Variants in FAM107A observed in about 807,000 individuals in gnomAD.
The protein encoded by FAM107A is family with sequence similarity 107 member A, also known as actin-associated protein FAM107A.
In FAM107A, 19 loss-of-function variants were observed where a neutral mutation model predicts 13.7. The observed-to-expected ratio is 1.38, with a 90% CI of 0.97 to 2.03. The LOEUF (loss-of-function observed/expected upper bound fraction) is 2.03, where lower values mean the gene tolerates loss of function less well. FAM107A is among the 30% of genes most tolerant of loss of function. The pLI is 0.00. For missense variants in FAM107A, 203 were observed against 184.4 expected (o/e 1.10, Z -0.58); for synonymous variants, 82 against 74.5 (o/e 1.10, Z -0.52).
chr3:58,605,073 C>T (rs989232567), intron 1 of FAM107A, among the ~76,000 whole-genome samples: 7 of 152,216 alleles, frequency 4.6e-5, no homozygotes, highest in Non-Finnish European at 7.3e-5. Context: ...CAAACTTTCT[C>T]CCCTGAGGGT....
chr3:58,587,698 TC>T (rs1188237111), upstream of FAM107A, among the ~76,000 whole-genome samples: 1 of 152,066 alleles, frequency 6.6e-6, no homozygotes, highest in Non-Finnish European at 1.5e-5. Context: ...TTGTGGAGTG[TC>T]TGTAACAATC....
At chr3:58,591,790 G>A (rs1319687787), upstream of FAM107A, among the ~76,000 whole-genome samples, 1 of 152,184 alleles carries the variant, frequency 6.6e-6, no homozygotes, top group Non-Finnish European at 1.5e-5. This position sits in a 1 kb window ranked among gnomAD's most constrained non-coding sequence, Gnocchi z 4.3. Context: ...TACTCGCCTT[G>A]AAGAGGGATT....
At chr3:58,600,415 C>T (rs2108070938) in intron 1 of FAM107A, among the ~76,000 whole-genome samples, 1 of 152,192 alleles carries the variant, frequency 6.6e-6, no homozygotes, top group East Asian at 1.9e-4. Flanking sequence ...ATGCAGCAGG[C>T]ATGATCTTAA....
chr3:58,616,206 G>A (rs762350064), intron 1 of FAM107A, among the ~76,000 whole-genome samples: 2 of 152,072 alleles, frequency 1.3e-5, no homozygotes, highest in Admixed American at 6.6e-5. Context: ...ATATGGGAAC[G>A]CACTGCAGCT....
At chr3:58,611,763 C>T (rs955721780) in intron 1 of FAM107A, among the ~76,000 whole-genome samples, 1 of 152,180 alleles carries the variant, frequency 6.6e-6, no homozygotes, top group Non-Finnish European at 1.5e-5. Flanking sequence ...GTTTCTCTTC[C>T]GTAAAATGGG....
chr3:58,567,147 G>A (rs1468505712), intron 3 of FAM107A, 61 bp downstream of exon 3: 2 of 1,585,890 alleles, frequency 1.3e-6, no homozygotes, highest in Admixed American at 1.7e-5. Flanking sequence ...CCACAGCAGA[G>A]CTCCTCCCTG....
chr3:58,593,404 A>C (rs2065670615), intron 1 of FAM107A, among the ~76,000 whole-genome samples: 1 of 152,002 alleles, frequency 6.6e-6, no homozygotes, highest in African/African-American at 2.4e-5. Flanking sequence ...CACCATTCTC[A>C]ACTACTTGTA....
At chr3:58,619,523 G>A (rs993828882) in intron 1 of FAM107A, among the ~76,000 whole-genome samples, 3 of 152,168 alleles carry the variant, frequency 2.0e-5, no homozygotes, top group Admixed American at 1.3e-4. Flanking sequence ...CTTGGCAGAT[G>A]CTGTTGCCTG....
intron 1 of FAM107A, chr3:58,570,242 G>T: frequency 2.6e-6 from 1 of 387,120 alleles, no homozygotes; most frequent in Non-Finnish European, 3.6e-6. Context: ...GCTTGTAACA[G>T]AAAAGGAAAA....
At chr3:58,591,062 T>C (rs2065650470), upstream of FAM107A, among the ~76,000 whole-genome samples, 1 of 152,216 alleles carries the variant, frequency 6.6e-6, no homozygotes, top group Admixed American at 6.5e-5. This position sits in a 1 kb window ranked among gnomAD's most constrained non-coding sequence, Gnocchi z 4.3. Flanking sequence ...TGCAAGGGCT[T>C]GGATACCTCA....
At chr3:58,616,735 C>T (rs2065905150) in intron 1 of FAM107A, among the ~76,000 whole-genome samples, 1 of 152,152 alleles carries the variant, frequency 6.6e-6, no homozygotes, top group African/African-American at 2.4e-5. Flanking sequence ...AGCTTCTAGC[C>T]TCCAGAACTG....
chr3:58,620,322 C>A (rs1001670694), intron 1 of FAM107A, among the ~76,000 whole-genome samples: 1 of 152,128 alleles, frequency 6.6e-6, no homozygotes, highest in East Asian at 1.9e-4. Flanking sequence ...TCTCTCTGAC[C>A]TTCCCAGCCA....
At chr3:58,596,593 C>T (rs1258366898) in intron 1 of FAM107A, among the ~76,000 whole-genome samples, 6 of 151,688 alleles carry the variant, frequency 4.0e-5, no homozygotes, top group South Asian at 4.2e-4. Flanking sequence ...GCAGGAGAAT[C>T]GCTTGAACCT....
intron 1 of FAM107A, among the ~76,000 whole-genome samples, chr3:58,615,773 G>A (rs2065895747): frequency 6.6e-6 from 1 of 152,100 alleles, no homozygotes; most frequent in East Asian, 1.9e-4. Flanking sequence ...GTGTGTGCCT[G>A]TAATCCCAGC....
intron 1 of FAM107A, among the ~76,000 whole-genome samples, chr3:58,608,514 G>C (rs2065820229): frequency 6.6e-6 from 1 of 152,170 alleles, no homozygotes; most frequent in South Asian, 2.1e-4. Flanking sequence ...GAGCCAGGCA[G>C]CTCCCCTGGA....
At chr3:58,581,756 C>T (rs2065548011), upstream of FAM107A, among the ~76,000 whole-genome samples, 1 of 152,048 alleles carries the variant, frequency 6.6e-6, no homozygotes, top group Admixed American at 6.6e-5. Context: ...AAGAATTTAC[C>T]CAGTTGAGGG....
At chr3:58,586,970 C>T in exon 1 of FAM107A, 1 of 1,501,978 alleles carries the variant, frequency 6.7e-7, no homozygotes, top group Non-Finnish European at 8.8e-7. Context: ...GCCAGCACTG[C>T]TGGCCCCGCG....
At chr3:58,603,871 G>A (rs2065771940) in intron 1 of FAM107A, among the ~76,000 whole-genome samples, 1 of 152,202 alleles carries the variant, frequency 6.6e-6, no homozygotes, top group Non-Finnish European at 1.5e-5. Flanking sequence ...TTTTACAGAT[G>A]GGGCTCACAG....
intron 1 of FAM107A, among the ~76,000 whole-genome samples, chr3:58,614,467 A>G (rs761941393): frequency 2.0e-5 from 3 of 151,256 alleles, no homozygotes; most frequent in Non-Finnish European, 2.9e-5. Flanking sequence ...TGCTGTTCTG[A>G]TAGTAACTCA....
Sources: gnomAD v4.1 joint callset for allele counts (sites outside exome capture counted in the v4.1 genomes callset) on GRCh38, gnomAD v4.1.1 for gene constraint, Gnocchi (gnomAD v3.1) non-coding constraint, MANE v1.5 for transcripts, NCBI Gene and HGNC (gene_info 2026-07-23, HGNC 2026-07-21) for gene names.